NRG1: variants seen among roughly 807,000 people sequenced by gnomAD.
NRG1 encodes the protein neuregulin 1.
In NRG1, 18 loss-of-function variants were observed where a neutral mutation model predicts 63.8. That is an observed-to-expected ratio of 0.28 (90% CI 0.19 to 0.42). NRG1 has a LOEUF of 0.42. Ranked by LOEUF, NRG1 falls within the 10% of genes least tolerant of loss-of-function variation. The pLI, the probability that NRG1 is intolerant of heterozygous loss-of-function variation, is 1.00. For synonymous variants in NRG1, 302 were observed against 301.3 expected, an observed-to-expected ratio of 1.00 and a Z score of -0.02; for missense variants, 762 against 814.7, an observed-to-expected ratio of 0.94 and a Z score of 0.79.
intron 1 of NRG1, among the ~76,000 whole-genome samples, chr8:32,312,772 C>T (rs1856964685): frequency 7.3e-6 from 1 of 136,750 alleles, no homozygotes; most frequent in Middle Eastern, 3.6e-3. Context: ...TTCCCTCCCT[C>T]CCTCTCTCCT....
chr8:32,127,187 T>C (rs897598950), intron 1 of NRG1, among the ~76,000 whole-genome samples: 5 of 151,936 alleles, frequency 3.3e-5, no homozygotes, highest in African/African-American at 7.2e-5. Flanking sequence ...GACAAGTGGC[T>C]AACCTGTTTT....
chr8:32,751,120 T>G (rs1355068996), intron 7 of NRG1: 2 of 152,198 alleles, frequency 1.3e-5, no homozygotes, highest in Non-Finnish European at 2.9e-5. Flanking sequence ...TTCTATGGGT[T>G]AGAAAAGACA....
intron 1 of NRG1, among the ~76,000 whole-genome samples, chr8:32,497,908 C>A (rs746519090): frequency 1.3e-5 from 2 of 152,216 alleles, no homozygotes; most frequent in East Asian, 3.9e-4. Flanking sequence ...ACCACAACCT[C>A]CCCTTCCCGG....
intron 1 of NRG1, among the ~76,000 whole-genome samples, chr8:32,273,830 A>G (rs1197981064): frequency 1.3e-5 from 2 of 152,204 alleles, no homozygotes; most frequent in African/African-American, 4.8e-5. Flanking sequence ...TTGACTGGTA[A>G]CTTTAAACAT....
intron 1 of NRG1, among the ~76,000 whole-genome samples, chr8:32,246,138 T>C (rs1164601311): frequency 1.3e-5 from 2 of 152,172 alleles, no homozygotes; most frequent in Non-Finnish European, 2.9e-5. Flanking sequence ...CTGATTTCTC[T>C]AACAGTCAGG....
chr8:32,610,939 A>T (rs1563763622), intron 3 of NRG1, among the ~76,000 whole-genome samples: 2 of 152,158 alleles, frequency 1.3e-5, no homozygotes, highest in South Asian at 2.1e-4. Flanking sequence ...TACACACTAT[A>T]TGTTCATTTG....
intron 1 of NRG1, among the ~76,000 whole-genome samples, chr8:31,894,929 A>C (rs1831457097): frequency 6.6e-6 from 1 of 152,238 alleles, no homozygotes; most frequent in Admixed American, 6.5e-5. Flanking sequence ...ATCAGGAAAA[A>C]AAAAGTGTTT....
intron 1 of NRG1, among the ~76,000 whole-genome samples, chr8:32,241,870 C>T (rs1206962510): frequency 6.6e-6 from 1 of 151,868 alleles, no homozygotes; most frequent in Non-Finnish European, 1.5e-5. Flanking sequence ...GCAATCCTCC[C>T]ACCTCAGCCT....
chr8:32,381,478 C>G (rs1810337819), intron 1 of NRG1, among the ~76,000 whole-genome samples: 1 of 151,894 alleles, frequency 6.6e-6, no homozygotes, highest in African/African-American at 2.4e-5. Flanking sequence ...GGAGGCAGGG[C>G]CTGGTACAGC....
chr8:31,830,589 A>T (rs578220580), intron 1 of NRG1, among the ~76,000 whole-genome samples: 1 of 152,240 alleles, frequency 6.6e-6, no homozygotes, highest in Admixed American at 6.5e-5. Context: ...CACTGTGATC[A>T]AGATCTGCCT....
At chr8:32,031,127 G>A (rs1205716991) in intron 1 of NRG1, among the ~76,000 whole-genome samples, 1 of 152,060 alleles carries the variant, frequency 6.6e-6, no homozygotes, top group East Asian at 1.9e-4. Flanking sequence ...GGTCTGTTTG[G>A]GGTTAGGCCA....
intron 1 of NRG1, among the ~76,000 whole-genome samples, chr8:31,678,229 A>G (rs1807930700): frequency 6.6e-6 from 1 of 152,136 alleles, no homozygotes; most frequent in African/African-American, 2.4e-5. Flanking sequence ...TGGTCAAGTT[A>G]GCATAGGAAA....
chr8:31,916,331 A>T (rs968034259), intron 1 of NRG1, among the ~76,000 whole-genome samples: 2 of 152,124 alleles, frequency 1.3e-5, no homozygotes, highest in African/African-American at 4.8e-5. Flanking sequence ...ATCTAGCATT[A>T]GGTATATCTC....
chr8:32,073,776 G>A (rs1445534258), intron 1 of NRG1, among the ~76,000 whole-genome samples: 4 of 152,134 alleles, frequency 2.6e-5, no homozygotes, highest in African/African-American at 4.8e-5. Flanking sequence ...GGTAAACAAT[G>A]CAGTTAGGTC....
At chr8:32,381,849 A>G (rs1428655946) in intron 1 of NRG1, among the ~76,000 whole-genome samples, 1 of 152,260 alleles carries the variant, frequency 6.6e-6, no homozygotes, top group Non-Finnish European at 1.5e-5. Context: ...TTTACTTTAT[A>G]ACTGAAAGTT....
chr8:32,187,666 C>G (rs1842094469), intron 1 of NRG1, among the ~76,000 whole-genome samples: 1 of 151,538 alleles, frequency 6.6e-6, no homozygotes, highest in South Asian at 2.1e-4. Flanking sequence ...ACTTCACTAT[C>G]AAGAAAGAAG....
At chr8:32,196,940 A>C in intron 1 of NRG1, among the ~76,000 whole-genome samples, 1 of 34,012 alleles carries the variant, frequency 2.9e-5, no homozygotes, top group Admixed American at 5.2e-4. Context: ...TTCTCAGAAC[A>C]TTCTTTTTTT....
chr8:31,888,925 C>T (rs1020948364), intron 1 of NRG1, among the ~76,000 whole-genome samples: 3 of 152,082 alleles, frequency 2.0e-5, no homozygotes, highest in Non-Finnish European at 4.4e-5. Flanking sequence ...TCTGTATTTA[C>T]ACAAAGGAGA....
rs111732258 is a variant in NRG1, at chr8:32,488,613, C to CAAA, written c.38-107215_38-107214insAAA. Among the ~76,000 whole-genome samples the CAAA allele has an allele frequency of 1.2e-3, 181 of 150,286 alleles. 1 individual carries two copies. Among genetic ancestry groups the CAAA allele is most frequent in the African/African-American group, 3.9e-3 (160 of 40,818 alleles). ...CAACATGGCAAAACCCCATCTCTAC[C>CAAA]CAAACAAACAAACAAACAAACAAAC... On this transcript the variant is annotated intron_variant, in intron 1 of 10. Coordinates refer to the NRG1 transcript ENST00000519301.
Sources: gnomAD v4.1 joint callset for allele counts (sites outside exome capture counted in the v4.1 genomes callset) on GRCh38, gnomAD v4.1.1 for gene constraint, MANE v1.5 for transcripts, NCBI Gene and HGNC (gene_info 2026-07-23, HGNC 2026-07-21) for gene names.